CCNK: variants seen among roughly 807,000 people sequenced by gnomAD.
CCNK encodes cyclin K, also known as cyclin-K.
In CCNK, 9 loss-of-function variants were observed where a neutral mutation model predicts 65.0. That is an observed-to-expected ratio of 0.14 (90% CI 0.08 to 0.24). The LOEUF is 0.24. CCNK is among the 10% of genes least tolerant of loss of function. The pLI is 1.00. For missense variants in CCNK, 474 were observed against 720.0 expected (o/e 0.66, Z 3.91); for synonymous variants, 279 against 270.8 (o/e 1.03, Z -0.30).
chr14:99,486,200 C>G (rs1052602018), intron 1 of CCNK, among the ~76,000 whole-genome samples: 9 of 152,218 alleles, frequency 5.9e-5, no homozygotes, highest in Admixed American at 2.6e-4. Context: ...TGGTTTAAAG[C>G]TGACATCCCA....
In CCNK at chr14:99,495,692, C is replaced by T. The variant is rs1251038095; in HGVS notation, c.411+63C>T. Reference sequence around the variant, plus strand: ...TTCCTTATGGTAGTATTGTACAGTTCCACATGTTGACAGTGCCTGTAGCCC... The same window carrying T: ...TTCCTTATGGTAGTATTGTACAGTTTCACATGTTGACAGTGCCTGTAGCCC... On this transcript the variant is annotated intron_variant, in intron 4 of 10. Transcript: ENST00000389879. 9.7e-6 allele frequency: 14 copies of T among 1,443,056 alleles called. 1 individual carries two copies. In the South Asian group the frequency reaches 1.6e-4, roughly 16 times the overall value. The allele number at this position is 1,443,056 out of a possible 1,614,324, so 89.4% of individuals were successfully genotyped here. A position where few individuals can be genotyped will look rare whatever the true frequency, so the allele number is the denominator to read the frequency against.
chr14:99,509,304 T>A (rs1897054807), intron 10 of CCNK: 1 of 152,244 alleles, frequency 6.6e-6, no homozygotes, highest in African/African-American at 2.4e-5. Flanking sequence ...TGGTGGGGTG[T>A]TGCGATGTCA....
chr14:99,507,257 G>A lies in CCNK; in HGVS notation c.1117+110G>A. 6.5e-6 allele frequency: 5 copies of A among 767,378 alleles called. No homozygotes were observed. The Admixed American group carries it at 8.9e-5, about 14-fold the overall frequency. The allele number at this position is 767,378 out of a possible 1,614,324, so 47.5% of individuals were successfully genotyped here. ...GGAGACTGGGGCCCAGATTGACAAT[G>A]TCAGCCACAGGCAGGAATCTTTGCA... On this transcript the variant is annotated intron_variant, in intron 10 of 10. Transcript: ENST00000389879.
Position 99,510,446 on chromosome 14 carries a change from A to G in CCNK, c.1407A>G (p.Ala469=), listed in dbSNP as rs780139204. ...TGCCCCCCGCCTACGGCCCACCTGC[A>G]CACCTGCCCTACCACCCCCATGTCT... The part of the protein sequence containing the change: ...GALPPAYGPP[A]HLPYHPHVYP... The change falls in exon 11 of 11, where the codon GCA becomes GCG. Residue 469 remains alanine (A), a synonymous_variant. Coordinates refer to ENST00000389879, the MANE Select transcript of CCNK (RefSeq NM_001099402.2). 1 of 1,516,704 alleles carries G rather than the reference A, an allele frequency of 6.6e-7. No individual in the cohort carries two copies. Among genetic ancestry groups the G allele is most frequent in the Non-Finnish European group, 8.8e-7 (1 of 1,133,888 alleles). 94.0% of individuals were successfully genotyped at this position (1,516,704 alleles called of 1,614,324 possible). A position where few individuals can be genotyped will look rare whatever the true frequency, so the allele number is the denominator to read the frequency against.
intron 9 of CCNK, chr14:99,505,524 C>G (rs1896952375): frequency 6.6e-6 from 1 of 152,014 alleles, no homozygotes; most frequent in South Asian, 2.1e-4. Flanking sequence ...TATCCTTTTT[C>G]CTTTTATTTC....
rs3918118 is a variant in CCNK at position 99,509,053 on chromosome 14, G to A, written c.1118-1104G>A. 721 of 152,336 alleles carry A rather than the reference G, an allele frequency of 4.7e-3. 4 individuals are homozygous for A. The highest frequency in any genetic ancestry group is 6.9e-3 in the Non-Finnish European group (470 of 68,048). The allele number at this position is 152,336 out of a possible 1,614,324, so 9.4% of individuals were successfully genotyped here. A position where few individuals can be genotyped will look rare whatever the true frequency, so the allele number is the denominator to read the frequency against. On this transcript the variant is annotated intron_variant, in intron 10 of 10. Coordinates refer to ENST00000389879, the MANE Select transcript of CCNK (RefSeq NM_001099402.2). The stretch of plus-strand genomic sequence containing the variant: ...GCACACCAGTGGCACACCTGTTACC[G>A]ACCTGATGAAATCCTGCTCATGCTC...
chr14:99,482,762 T>C (rs1896380808), intron 1 of CCNK, among the ~76,000 whole-genome samples: 1 of 152,246 alleles, frequency 6.6e-6, no homozygotes, highest in Non-Finnish European at 1.5e-5. Context: ...TTTTAAATGC[T>C]GTTTCTAAAA....
In CCNK at chr14:99,502,684, A is replaced by G. The variant is rs193115185; in HGVS notation, c.746-35A>G. On this transcript the variant is annotated intron_variant, in intron 7 of 10. Coordinates refer to ENST00000389879, the MANE Select transcript of CCNK (RefSeq NM_001099402.2). ...AGGTAAAATTTTATTTAAAATACCA[A>G]TTTGTGTAAAATGTAATTGTTGGCT... The G allele has an allele frequency of 6.2e-5, 99 of 1,594,988 alleles. No individual in the cohort carries two copies. In the Middle Eastern group the frequency reaches 6.6e-4, roughly 11 times the overall value.
chr14:99,503,256 G>A (rs546183632), intron 8 of CCNK: 15 of 641,390 alleles, frequency 2.3e-5, no homozygotes, highest in South Asian at 5.2e-5. Flanking sequence ...TGTCGGTGTC[G>A]TTGCCGTGTC....
chr14:99,504,006 C>T (rs559838243), intron 9 of CCNK: 28 of 356,220 alleles, frequency 7.9e-5, no homozygotes, highest in Admixed American at 5.0e-4. Flanking sequence ...ACAGCAGATG[C>T]GGGGGGGCAG....
chr14:99,483,814 T>C (rs566262067), intron 1 of CCNK, among the ~76,000 whole-genome samples: 92 of 152,366 alleles, frequency 6.0e-4, no homozygotes, highest in African/African-American at 2.1e-3. Context: ...TTTGGAGATA[T>C]GCTACAGGAC....
intron 6 of CCNK, 67 bp from the exon 7 acceptor site, chr14:99,502,140 C>T (rs1595316106): frequency 6.8e-7 from 1 of 1,476,460 alleles, no homozygotes; most frequent in Non-Finnish European, 9.0e-7. Context: ...TATGGCATCT[C>T]CATGCACTGG....
chr14:99,506,935 CCTT>C (rs768732469), intron 9 of CCNK, 138 bp from the exon 10 acceptor site: 19 of 692,640 alleles, frequency 2.7e-5, no homozygotes, highest in Non-Finnish European at 4.5e-5. Context: ...TTAGCTGAAA[CCTT>C]CTTCAAGTTC....
chr14:99,490,789 G>T (rs558804544), intron 1 of CCNK, among the ~76,000 whole-genome samples: 13 of 152,010 alleles, frequency 8.6e-5, no homozygotes, highest in African/African-American at 2.2e-4. Flanking sequence ...TTAGCCAGGC[G>T]TGGTGGCGGG....
chr14:99,507,360 T>C, intron 10 of CCNK: 1 of 555,424 alleles, frequency 1.8e-6, no homozygotes, highest in South Asian at 2.0e-5. Flanking sequence ...GAGAATCACC[T>C]GACCCCAGGA....
intron 9 of CCNK, 29 bp downstream of exon 9, chr14:99,503,673 T>C (rs1447579134): frequency 6.5e-7 from 1 of 1,538,088 alleles, no homozygotes; most frequent in Admixed American, 2.0e-5. Flanking sequence ...GTTTTTTTAG[T>C]TTTATGTGTT....
chr14:99,490,243 A>T (rs573790607), intron 1 of CCNK, among the ~76,000 whole-genome samples: 8 of 152,296 alleles, frequency 5.3e-5, no homozygotes, highest in African/African-American at 1.9e-4. Flanking sequence ...GAAGGGAAAA[A>T]TAATAATTTA....
intron 1 of CCNK, 98 bp from the exon 2 acceptor site, chr14:99,492,528 A>G: frequency 4.5e-6 from 3 of 660,492 alleles, no homozygotes; most frequent in East Asian, 3.0e-5. Context: ...TGTGGTTTCT[A>G]TAGGAAATAG....
At chr14:99,503,573 G>A (rs1362132631) in intron 8 of CCNK, 38 bp from the exon 9 acceptor site, 3 of 1,534,820 alleles carry the variant, frequency 2.0e-6, no homozygotes, top group Non-Finnish European at 1.8e-6. Flanking sequence ...TCATACTCAG[G>A]ATCCCAGTTA....
Sources: allele counts gnomAD v4.1 joint callset (sites outside exome capture counted in the v4.1 genomes callset), GRCh38; gene constraint gnomAD v4.1.1; transcripts MANE v1.5; gene names NCBI Gene and HGNC (gene_info 2026-07-23, HGNC 2026-07-21).